The following RBFOX1 variants were observed in gnomAD, a reference collection of about 807,000 sequenced individuals.
The protein encoded by RBFOX1 is RNA binding protein fox-1 homolog 1.
Under a neutral mutation model 57.7 loss-of-function variants are expected in RBFOX1, and 8 were observed. That is an observed-to-expected ratio of 0.14 (90% CI 0.08 to 0.25). RBFOX1 has a LOEUF of 0.25. Among genes scored for constraint, RBFOX1 ranks in the 10% least tolerant of loss-of-function variants. The pLI is 1.00. For missense variants in RBFOX1, 611 were observed against 548.5 expected (o/e 1.11, Z -1.14); for synonymous variants, 326 against 222.4 (o/e 1.47, Z -4.15).
chr16:6,779,295 A>T (rs1478389699), intron 3 of RBFOX1, among the ~76,000 whole-genome samples: 1 of 151,924 alleles, frequency 6.6e-6, no homozygotes, highest in African/African-American at 2.4e-5. Context: ...GGCTTATTTT[A>T]GTTGGCATCA....
chr16:7,204,055 A>T (rs2089363331), intron 4 of RBFOX1, among the ~76,000 whole-genome samples: 1 of 152,248 alleles, frequency 6.6e-6, no homozygotes, highest in South Asian at 2.1e-4. Flanking sequence ...GGTGCCCCTG[A>T]CTTCTCCAGA....
chr16:5,350,330 G>A (rs2065235048), intron 1 of RBFOX1, among the ~76,000 whole-genome samples: 1 of 152,306 alleles, frequency 6.6e-6, no homozygotes, highest in African/African-American at 2.4e-5. Context: ...GTCAGAAAGT[G>A]AATTGTTTGC....
intron 4 of RBFOX1, among the ~76,000 whole-genome samples, chr16:7,428,625 C>T (rs1426021449): frequency 6.6e-6 from 1 of 151,304 alleles, no homozygotes; most frequent in Non-Finnish European, 1.5e-5. Flanking sequence ...CCTGCCTTGG[C>T]CTCCCATAGT....
chr16:5,613,224 C>T (rs915847337), intron 3 of RBFOX1, among the ~76,000 whole-genome samples: 1 of 152,172 alleles, frequency 6.6e-6, no homozygotes, highest in African/African-American at 2.4e-5. Flanking sequence ...TCAGAAGAAC[C>T]TCCCCACACC....
rs186017791 is a variant in RBFOX1, at chr16:7,523,252, G to A, written c.270+4863G>A. On this transcript the variant is annotated intron_variant, in intron 5 of 15. Transcript: ENST00000550418. Reference sequence around the variant, plus strand: ...CCATTTACCTACACATGGGCATTTGGGTTGTTTTTCATTTTGGGTAATGGA... The same window carrying A: ...CCATTTACCTACACATGGGCATTTGAGTTGTTTTTCATTTTGGGTAATGGA... Among the ~76,000 whole-genome samples the A allele has an allele frequency of 3.3e-5, 5 of 152,242 alleles. No homozygotes were observed. The East Asian group carries it at 9.7e-4, about 29-fold the overall frequency.
intron 4 of RBFOX1, among the ~76,000 whole-genome samples, chr16:7,404,615 A>G (rs1257826982): frequency 2.0e-5 from 3 of 152,248 alleles, no homozygotes; most frequent in African/African-American, 4.8e-5. Context: ...CCTACACCTC[A>G]GAAGAGACCC....
intron 3 of RBFOX1, among the ~76,000 whole-genome samples, chr16:5,861,288 G>A (rs747976751): frequency 7.2e-5 from 11 of 152,138 alleles, no homozygotes; most frequent in Non-Finnish European, 1.2e-4. Context: ...ACACCCCCGT[G>A]CCACACAGGT....
chr16:6,806,823 T>TAAATATATAAATATATAAATATATAA lies in RBFOX1; in HGVS notation c.-16+152174_-16+152175insAATATATAAATATATAAATATATAAA, dbSNP rs1236234265. Reference sequence around the variant, plus strand: ...ATATATAAATAAATATATAAATATATATATATATATATATTTTTTTTTTTT... The same window carrying TAAATATATAAATATATAAATATATAA: ...ATATATAAATAAATATATAAATATATAAATATATAAATATATAAATATATAAATATATATATATATTTTTTTTTTTT... On this transcript the variant is annotated intron_variant, in intron 3 of 15. Transcript: ENST00000550418. Among the ~76,000 whole-genome samples, 4 of 83,702 alleles carry TAAATATATAAATATATAAATATATAA rather than the reference T, an allele frequency of 4.8e-5. No individual in the cohort carries two copies. The South Asian group carries it at 1.1e-3, about 23-fold the overall frequency. The allele number at this position is 83,702 out of a possible 152,430, so 54.9% of individuals were successfully genotyped here. A position where few individuals can be genotyped will look rare whatever the true frequency, so the allele number is the denominator to read the frequency against.
intron 4 of RBFOX1, among the ~76,000 whole-genome samples, chr16:5,938,730 C>A (rs532368287): frequency 2.6e-5 from 4 of 152,250 alleles, no homozygotes; most frequent in African/African-American, 9.6e-5. Context: ...CCAGGTGACA[C>A]CATCACAACC....
In RBFOX1 at chr16:5,455,003, CTTT is replaced by C. The variant is rs2068581298; in HGVS notation, c.220-12212_220-12210del. Among the ~76,000 whole-genome samples, 2 of 106,930 alleles carry C rather than the reference CTTT, an allele frequency of 1.9e-5. 1 individual carries two copies. Among genetic ancestry groups the C allele is most frequent in the African/African-American group, 6.6e-5 (2 of 30,206 alleles). The allele number at this position is 106,930 out of a possible 152,430, so 70.2% of individuals were successfully genotyped here. A position where few individuals can be genotyped will look rare whatever the true frequency, so the allele number is the denominator to read the frequency against. ...TCTTTCTTTCTTTCTTTCTTTCTTT[CTTT>C]CTTTCTTTCTTTCTTTCTCTCTCTC... On this transcript the variant is annotated intron_variant, in intron 1 of 2. Coordinates refer to the RBFOX1 transcript ENST00000585867.
intron 1 of RBFOX1, among the ~76,000 whole-genome samples, chr16:5,286,271 G>T (rs1473602987): frequency 1.3e-5 from 2 of 152,166 alleles, no homozygotes; most frequent in Non-Finnish European, 2.9e-5. Flanking sequence ...TTTGGTTGCT[G>T]GCAGTGGCAG....
At chr16:7,296,379 A>T (rs527551723) in intron 4 of RBFOX1, among the ~76,000 whole-genome samples, 2 of 151,862 alleles carry the variant, frequency 1.3e-5, no homozygotes, top group African/African-American at 4.8e-5. Context: ...CTTGGCAAGA[A>T]ATTTAAAAGC....
intron 2 of RBFOX1, among the ~76,000 whole-genome samples, chr16:5,524,580 G>A (rs2044162682): frequency 6.7e-6 from 1 of 148,878 alleles, no homozygotes; most frequent in Non-Finnish European, 1.5e-5. Context: ...TTGCTCTGTC[G>A]CCCAGGCTGG....
chr16:6,991,986 G>A (rs1377781344), intron 3 of RBFOX1, among the ~76,000 whole-genome samples: 1 of 152,162 alleles, frequency 6.6e-6, no homozygotes, highest in East Asian at 1.9e-4. Context: ...GACTCCCTGT[G>A]TTTCAGAAGC....
chr16:6,108,054 T>C (rs1280799257), intron 1 of RBFOX1, among the ~76,000 whole-genome samples: 2 of 152,326 alleles, frequency 1.3e-5, no homozygotes, highest in South Asian at 4.1e-4. Context: ...TCACTATTAA[T>C]ATCAATACTT....
chr16:6,838,656 A>T (rs2093277191), intron 3 of RBFOX1, among the ~76,000 whole-genome samples: 1 of 152,128 alleles, frequency 6.6e-6, no homozygotes, highest in Non-Finnish European at 1.5e-5. Context: ...TTGTCCTAGA[A>T]TTCTTTATTG....
In RBFOX1 at chr16:6,649,668, A is replaced by G. The variant is rs968322932; in HGVS notation, c.-63-4935A>G. ...ACTTAGAATAATGGTCTCCAGTTCC[A>G]TCCAGGTTGCTGTGAATGCCATTAT... On this transcript the variant is annotated intron_variant, in intron 2 of 15. Transcript: ENST00000550418. Among the ~76,000 whole-genome samples, 3 of 152,190 alleles carry G rather than the reference A, an allele frequency of 2.0e-5. No homozygotes were observed. In the East Asian group the frequency reaches 5.8e-4, roughly 29 times the overall value.
intron 1 of RBFOX1, among the ~76,000 whole-genome samples, chr16:5,252,551 T>C (rs1343136059): frequency 6.6e-6 from 1 of 152,190 alleles, no homozygotes; most frequent in African/African-American, 2.4e-5. Context: ...GAAGATCCTC[T>C]TGGGCTGCTT....
intron 2 of RBFOX1, among the ~76,000 whole-genome samples, chr16:6,503,604 CAGGCTTGCTT>C (rs1448457861): frequency 6.6e-6 from 1 of 152,154 alleles, no homozygotes; most frequent in African/African-American, 2.4e-5. Flanking sequence ...GCCTTTTCGG[CAGGCTTGCTT>C]AGGCTTGGTC....
Sources: allele counts gnomAD v4.1 joint callset (sites outside exome capture counted in the v4.1 genomes callset), GRCh38; gene constraint gnomAD v4.1.1; transcripts MANE v1.5; gene names NCBI Gene and HGNC (gene_info 2026-07-23, HGNC 2026-07-21).